Variants in CFAP251 observed in about 807,000 individuals in gnomAD.
CFAP251 encodes cilia and flagella associated protein 251.
CFAP251 carries 93 observed loss-of-function variants against 126.7 expected under a neutral mutation model. The observed-to-expected ratio is 0.73, with a 90% CI of 0.62 to 0.87. The LOEUF is 0.87. Ranked by LOEUF, CFAP251 falls within the 40% of genes least tolerant of loss-of-function variation. The pLI, the probability that CFAP251 is intolerant of heterozygous loss-of-function variation, is 0.00. For synonymous variants in CFAP251, 503 were observed against 506.9 expected, an observed-to-expected ratio of 0.99 and a Z score of 0.10; for missense variants, 1,287 against 1,389.2, an observed-to-expected ratio of 0.93 and a Z score of 1.17.
Position 121,958,541 on chromosome 12 carries a change from C to A in CFAP251, c.1981+19C>A. ...CCCGAAGGTATTTTCATCTTATCAGCCTACCATCGGTTCCACATGGACAGC... is the reference window on the plus strand; with the variant it reads ...CCCGAAGGTATTTTCATCTTATCAGACTACCATCGGTTCCACATGGACAGC... On this transcript the variant is annotated intron_variant, in intron 12 of 21. Coordinates refer to ENST00000288912, the MANE Select transcript of CFAP251 (RefSeq NM_144668.6). 1 of 1,613,674 alleles carries A rather than the reference C, an allele frequency of 6.2e-7. No individual in the cohort carries two copies. The highest frequency in any genetic ancestry group is 8.5e-7 in the Non-Finnish European group (1 of 1,179,684).
rs1019869277 is a variant in CFAP251 at position 121,958,253 on chromosome 12, G to A, written c.1731-19G>A. The stretch of plus-strand genomic sequence containing the variant: ...TCCCTGCAAACACTGATATTGTTTG[G>A]TCTCTCCTTGGCAAACAGGAATTTT... On this transcript the variant is annotated intron_variant, in intron 11 of 21. Transcript: ENST00000288912. The A allele has an allele frequency of 1.2e-6, 2 of 1,613,094 alleles. No homozygotes were observed.
intron 1 of CFAP251, among the ~76,000 whole-genome samples, chr12:121,919,140 A>ATTT (rs1330222567): frequency 2.8e-3 from 186 of 65,650 alleles, no homozygotes; most frequent in African/African-American, 5.4e-3. Flanking sequence ...TATTATTATT[A>ATTT]TTATTTTTTT....
chr12:121,924,078 A>G, intron 3 of CFAP251, 88 bp downstream of exon 3: 1 of 1,410,376 alleles, frequency 7.1e-7, no homozygotes, highest in Non-Finnish European at 9.6e-7. Flanking sequence ...GAAAAAGAAT[A>G]CCACCAGAAG....
In CFAP251 at chr12:121,970,722, A is replaced by G. The variant is rs918183568; in HGVS notation, c.2771+2553A>G. On this transcript the variant is annotated intron_variant, in intron 17 of 21. Transcript: ENST00000288912. ...TGTATGAGAAGGTCGTTGGGATCGCATGTAGCTACACCACAAGAAGGTCAC... is the reference window on the plus strand; with the variant it reads ...TGTATGAGAAGGTCGTTGGGATCGCGTGTAGCTACACCACAAGAAGGTCAC... Among the ~76,000 whole-genome samples, 72 of 152,374 alleles carry G rather than the reference A, an allele frequency of 4.7e-4. 1 individual carries two copies. Among genetic ancestry groups the G allele is most frequent in the African/African-American group, 1.7e-3 (71 of 41,592 alleles).
intron 3 of CFAP251, among the ~76,000 whole-genome samples, chr12:121,925,303 G>GT (rs1431988404): frequency 1.3e-5 from 2 of 152,178 alleles, no homozygotes; most frequent in Non-Finnish European, 2.9e-5. Flanking sequence ...AAAAGGAGGA[G>GT]TTTTTTCCTT....
chr12:121,967,487 G>A (rs1191533031), intron 16 of CFAP251, among the ~76,000 whole-genome samples: 1 of 152,172 alleles, frequency 6.6e-6, no homozygotes, highest in Non-Finnish European at 1.5e-5. Flanking sequence ...TGGATCACGA[G>A]GTCAGGAGAT....
At chr12:121,980,677 T>C (rs1234204361) in intron 19 of CFAP251, among the ~76,000 whole-genome samples, 1 of 152,164 alleles carries the variant, frequency 6.6e-6, no homozygotes, top group African/African-American at 2.4e-5. Flanking sequence ...ACATTAGAAA[T>C]GTTGCCTCAG....
chr12:121,930,569 A>G (rs1036917538), intron 3 of CFAP251, among the ~76,000 whole-genome samples: 8 of 152,196 alleles, frequency 5.3e-5, no homozygotes, highest in African/African-American at 1.9e-4. Flanking sequence ...AAGTAAAAGC[A>G]GTAGTCAGAT....
chr12:121,936,891 G>A (rs1880915507), intron 5 of CFAP251, among the ~76,000 whole-genome samples: 1 of 152,032 alleles, frequency 6.6e-6, no homozygotes, highest in African/African-American at 2.4e-5. Context: ...AGAAGGGAAG[G>A]GGCCCAGGGG....
In CFAP251 at chr12:121,960,725, T is replaced by C; in HGVS notation, c.2274T>C (p.Pro758=). The part of the protein sequence containing the change: ...LFGVYLDSNE[P]RLLSLGTDRL... ...GGGTTTACCTGGACAGCAATGAGCC[T>C]AGACTGCTGAGCCTTGGGACAGACA... The change falls in exon 14 of 22, where the codon CCT becomes CCC. Residue 758 remains proline (P), a synonymous_variant. Transcript: ENST00000288912. 2 of 1,613,790 alleles carry C rather than the reference T, an allele frequency of 1.2e-6. No individual in the cohort carries two copies. The highest frequency in any genetic ancestry group is 4.5e-5 in the East Asian group (2 of 44,880).
intron 2 of CFAP251, among the ~76,000 whole-genome samples, chr12:121,922,166 G>A (rs1880211286): frequency 6.8e-6 from 1 of 147,976 alleles, no homozygotes; most frequent in African/African-American, 2.5e-5. Flanking sequence ...GGAGTGCAAT[G>A]GCGTGATCTC....
chr12:122,003,645 T>G lies in CFAP251; in HGVS notation c.3338-7T>G, dbSNP rs1883194451. 15 of 1,603,790 alleles carry G rather than the reference T, an allele frequency of 9.4e-6. No homozygotes were observed. The highest frequency in any genetic ancestry group is 1.3e-5 in the Non-Finnish European group (15 of 1,175,052). On this transcript the variant is annotated splice_polypyrimidine_tract_variant and splice_region_variant and intron_variant, in intron 21 of 21. Transcript: ENST00000288912. ...GGCATTTGGTGTTCTTTTCTTGTTT[T>G]GGCTAGGTTCAGAAATTTGCCTTGA...
chr12:121,946,296 G>A (rs1389745108), intron 7 of CFAP251, among the ~76,000 whole-genome samples: 1 of 152,202 alleles, frequency 6.6e-6, no homozygotes. Context: ...TTAATTCACT[G>A]TTAATGGACA....
At chr12:121,978,393 C>CAAATAAAAAAAAAAAAA (rs780955131) in intron 19 of CFAP251, among the ~76,000 whole-genome samples, 1 of 42,120 alleles carries the variant, frequency 2.4e-5, no homozygotes, top group Non-Finnish European at 4.0e-5. Context: ...GACTCTGTCT[C>CAAATAAAAAAAAAAAAA]AAAAAAAAAA....
intron 13 of CFAP251, 60 bp downstream of exon 13, chr12:121,959,154 A>G: frequency 1.3e-6 from 2 of 1,500,760 alleles, no homozygotes; most frequent in South Asian, 2.7e-5. Context: ...AAACCAAAAG[A>G]GGCCAGACAT....
Position 121,958,309 on chromosome 12 carries a change from C to T in CFAP251, c.1768C>T (p.His590Tyr). 1.2e-6 allele frequency: 2 copies of T among 1,614,154 alleles called. No homozygotes were observed. Among genetic ancestry groups the T allele is most frequent in the Non-Finnish European group, 1.7e-6 (2 of 1,180,040 alleles). Residue 590 changes from histidine (H) to tyrosine (Y), a missense_variant, in exon 12 of 22, where the codon CAC becomes TAC. His to Tyr is a moderately conservative substitution (Grantham distance 83). Transcript: ENST00000288912. ...TGGAACATCTGATGCCGCGGTGTAC[C>T]ACTTAACAACAGATGGGACCAAACT... ...IIGTSDAAVY[H>Y]LTTDGTKLEK...
rs189353240 is a variant in CFAP251, at chr12:122,001,202, C to T, written c.3236-295C>T. Among the ~76,000 whole-genome samples, 8 of 151,304 alleles carry T rather than the reference C, an allele frequency of 5.3e-5. No homozygotes were observed. The East Asian group carries it at 1.2e-3, about 22-fold the overall frequency. On this transcript the variant is annotated intron_variant, in intron 20 of 21. Transcript: ENST00000288912. ...CTCCCGAGTAGCTGGGATTACAGGC[C>T]GCGCCACCACACCCGGCTAATTTTT...
Position 121,921,387 on chromosome 12 carries a change from C to T in CFAP251, c.82C>T (p.Pro28Ser), listed in dbSNP as rs773371155. ...TEMKEEEEPN[P>S]NYKEVEDPQQ... The stretch of plus-strand genomic sequence containing the variant: ...AATGAAAGAAGAGGAGGAACCTAAT[C>T]CAAATTATAAAGAAGTAGAAGATCC... Residue 28 changes from proline to serine, a missense_variant, in exon 2 of 22, where the codon CCA becomes TCA. Pro to Ser is a moderately conservative substitution (Grantham distance 74). Transcript: ENST00000288912. 6 of 1,611,476 alleles carry T rather than the reference C, an allele frequency of 3.7e-6. No homozygotes were observed. In the African/African-American group the frequency reaches 8.1e-5, roughly 22 times the overall value.
chr12:121,969,657 A>T (rs1215682833), intron 17 of CFAP251: 9 of 844,370 alleles, frequency 1.1e-5, no homozygotes, highest in Non-Finnish European at 1.3e-5. Context: ...GGCTAACTTT[A>T]AAAAAATTTT....
Sources: gnomAD v4.1 joint callset for allele counts (sites outside exome capture counted in the v4.1 genomes callset) on GRCh38, gnomAD v4.1.1 for gene constraint, MANE v1.5 for transcripts, NCBI Gene and HGNC (gene_info 2026-07-23, HGNC 2026-07-21) for gene names.